The following C18orf63 variants were observed in gnomAD, a reference collection of about 807,000 sequenced individuals.
The protein encoded by C18orf63 is chromosome 18 open reading frame 63, also known as uncharacterized protein C18orf63.
Under a neutral mutation model 75.3 loss-of-function variants are expected in C18orf63, and 50 were observed. The ratio of observed to expected loss-of-function variants is 0.66; its 90% CI spans 0.53 to 0.84. The LOEUF is 0.84. C18orf63 is among the 40% of genes least tolerant of loss of function. The pLI is 0.00. For synonymous variants in C18orf63, 232 were observed against 267.6 expected (o/e 0.87, Z 1.30); for missense variants, 732 against 800.2 (o/e 0.91, Z 1.03).
Position 74,358,817 on chromosome 18 carries a change from A to G in C18orf63, c.*2370A>G, listed in dbSNP as rs1259900319. On this transcript the variant is annotated 3_prime_UTR_variant, in exon 14 of 14. Coordinates refer to ENST00000579455, the MANE Select transcript of C18orf63 (RefSeq NM_001174123.2). ...GCAAAAGTGCTTCTCATATACTCATATATTAGGTTTCACAGTATTGGTTGC... is the reference window on the plus strand; with the variant it reads ...GCAAAAGTGCTTCTCATATACTCATGTATTAGGTTTCACAGTATTGGTTGC... 6.6e-6 allele frequency: 1 copy of G among 152,158 alleles called. No individual in the cohort carries two copies. Among genetic ancestry groups the G allele is most frequent in the Non-Finnish European group, 1.5e-5 (1 of 68,008 alleles). The allele number at this position is 152,158 out of a possible 1,614,324, so 9.4% of individuals were successfully genotyped here.
chr18:74,320,096 A>C (rs1056035633), intron 2 of C18orf63, among the ~76,000 whole-genome samples: 3 of 152,164 alleles, frequency 2.0e-5, no homozygotes, highest in Non-Finnish European at 4.4e-5. Context: ...TAGAGTAAAA[A>C]CGGATAGTGA....
rs1984786925 is a variant in C18orf63 at position 74,357,460 on chromosome 18, T to C, written c.*1013T>C. The stretch of plus-strand genomic sequence containing the variant: ...GCTTCTCAGACAATGAATATTATTC[T>C]GGCTTTCAAACATTTTATATGTTTG... On this transcript the variant is annotated 3_prime_UTR_variant, in exon 14 of 14. Coordinates refer to ENST00000579455, the MANE Select transcript of C18orf63 (RefSeq NM_001174123.2). 1 of 152,248 alleles carries C rather than the reference T, an allele frequency of 6.6e-6. No individual in the cohort carries two copies. The highest frequency in any genetic ancestry group is 1.5e-5 in the Non-Finnish European group (1 of 68,042). 9.4% of individuals were successfully genotyped at this position (152,248 alleles called of 1,614,324 possible).
intron 7 of C18orf63, among the ~76,000 whole-genome samples, chr18:74,335,823 C>G (rs1340702221): frequency 6.6e-6 from 1 of 151,970 alleles, no homozygotes; most frequent in Non-Finnish European, 1.5e-5. Context: ...ATAAAACTTA[C>G]CAGAAGAAGG....
At chr18:74,331,032 T>C (rs956528073) in intron 7 of C18orf63, 90 bp downstream of exon 7, 4 of 480,850 alleles carry the variant, frequency 8.3e-6, no homozygotes, top group African/African-American at 8.1e-5. Context: ...GGTTTTAATT[T>C]TTAACATAAA....
chr18:74,323,784 C>CA (rs1984163761), intron 4 of C18orf63, among the ~76,000 whole-genome samples: 1 of 152,164 alleles, frequency 6.6e-6, no homozygotes, highest in Non-Finnish European at 1.5e-5. Flanking sequence ...ATTCAGTTCC[C>CA]AGCCAAGGCC....
intron 8 of C18orf63, among the ~76,000 whole-genome samples, chr18:74,341,611 C>T (rs964451392): frequency 2.6e-5 from 4 of 152,010 alleles, no homozygotes; most frequent in Non-Finnish European, 5.9e-5. Flanking sequence ...GGCTTGAACC[C>T]GGGAAGCAGA....
At chr18:74,317,068 C>T (rs529667458) in intron 1 of C18orf63, among the ~76,000 whole-genome samples, 9 of 152,322 alleles carry the variant, frequency 5.9e-5, no homozygotes, top group Admixed American at 3.9e-4. Flanking sequence ...GATCAGAAGG[C>T]TGGTCACACT....
Position 74,353,450 on chromosome 18 carries a change from AG to A in C18orf63, c.1184del (p.Arg395LysfsTer17). 6.5e-7 allele frequency: 1 copy of A among 1,536,418 alleles called. No individual in the cohort carries two copies. The highest frequency in any genetic ancestry group is 8.7e-7 in the Non-Finnish European group (1 of 1,146,948). Reference sequence around the variant, plus strand: ...TCTCCAGCCAGAGTCTGTTCAGGGTAGAAAGAAATCCCTGTCTATCAGGGCT... The same window carrying A: ...TCTCCAGCCAGAGTCTGTTCAGGGTAAAAGAAATCCCTGTCTATCAGGGCT... The part of the protein sequence containing the change: ...LHLQPESVQG[R>X]KKSLSIRAPQ... On this transcript the variant is annotated frameshift_variant, in exon 12 of 14. Coordinates refer to ENST00000579455, the MANE Select transcript of C18orf63 (RefSeq NM_001174123.2). LOFTEE classifies it high-confidence loss of function.
At chr18:74,316,412 G>T (rs1217324995) in intron 1 of C18orf63, among the ~76,000 whole-genome samples, 1 of 152,196 alleles carries the variant, frequency 6.6e-6, no homozygotes, top group Non-Finnish European at 1.5e-5. Flanking sequence ...CGCTCGCCTG[G>T]GGGCAGCGGC....
intron 11 of C18orf63, among the ~76,000 whole-genome samples, chr18:74,351,535 G>A (rs1168810179): frequency 1.3e-5 from 2 of 152,144 alleles, no homozygotes; most frequent in African/African-American, 2.4e-5. Context: ...CCAGCATCAC[G>A]CATCACATGT....
intron 11 of C18orf63, among the ~76,000 whole-genome samples, chr18:74,346,572 T>C (rs932935725): frequency 4.6e-5 from 7 of 152,322 alleles, no homozygotes; most frequent in African/African-American, 1.7e-4. Context: ...TGTCCAGACA[T>C]AATATTTTTT....
intron 7 of C18orf63, among the ~76,000 whole-genome samples, chr18:74,333,569 CT>C (rs1984343921): frequency 6.6e-6 from 1 of 152,144 alleles, no homozygotes; most frequent in Non-Finnish European, 1.5e-5. Context: ...GGGAAAGGCC[CT>C]TTATAAAACC....
Position 74,338,760 on chromosome 18 carries a change from G to T in C18orf63, c.547G>T (p.Ala183Ser). ...CCAGAGTATTATAAAGGATTTTCATGCTAACAAGCATGCTGTCATTGAGAG... is the reference window on the plus strand; with the variant it reads ...CCAGAGTATTATAAAGGATTTTCATTCTAACAAGCATGCTGTCATTGAGAG... ...ISQSIIKDFH[A>S]NKHAVIERHS... Residue 183 changes from alanine to serine, a missense_variant, in exon 8 of 14, where the codon GCT (alanine) becomes TCT (serine). By Grantham distance (99) the Ala-to-Ser change is moderately conservative. This residue lies in a region of C18orf63 where 233 missense variants were observed against 272.7 expected (regional missense o/e 0.85). Coordinates refer to ENST00000579455, the MANE Select transcript of C18orf63 (RefSeq NM_001174123.2). 7.1e-7 allele frequency: 1 copy of T among 1,416,790 alleles called. No individual in the cohort carries two copies. The highest frequency in any genetic ancestry group is 9.3e-7 in the Non-Finnish European group (1 of 1,073,958). 87.8% of individuals were successfully genotyped at this position (1,416,790 alleles called of 1,614,324 possible).
At chr18:74,348,313 T>G (rs1161763079) in intron 11 of C18orf63, among the ~76,000 whole-genome samples, 3 of 152,300 alleles carry the variant, frequency 2.0e-5, no homozygotes, top group Non-Finnish European at 4.4e-5. Context: ...AAGAAAATAT[T>G]CTTCAAAAAC....
At chr18:74,323,469 G>T (rs769809618) in intron 4 of C18orf63, among the ~76,000 whole-genome samples, 2 of 152,184 alleles carry the variant, frequency 1.3e-5, no homozygotes, top group African/African-American at 2.4e-5. Flanking sequence ...GTTACAATCT[G>T]TGGGAAAACA....
At chr18:74,330,635 C>T (rs1243712307) in intron 6 of C18orf63, among the ~76,000 whole-genome samples, 1 of 151,942 alleles carries the variant, frequency 6.6e-6, no homozygotes, top group Non-Finnish European at 1.5e-5. Flanking sequence ...TTGCCTATGA[C>T]CTGCACCCCC....
intron 8 of C18orf63, among the ~76,000 whole-genome samples, chr18:74,341,003 G>A (rs1175988684): frequency 2.6e-5 from 4 of 151,980 alleles, no homozygotes; most frequent in Non-Finnish European, 4.4e-5. Flanking sequence ...GGTGGCTCAC[G>A]CCTGTAGTCC....
rs982393530 is a variant in C18orf63 at position 74,358,416 on chromosome 18, C to G, written c.*1969C>G. The G allele has an allele frequency of 1.3e-5, 2 of 152,004 alleles. No homozygotes were observed. The highest frequency in any genetic ancestry group is 2.9e-5 in the Non-Finnish European group (2 of 67,996). 9.4% of individuals were successfully genotyped at this position (152,004 alleles called of 1,614,324 possible). On this transcript the variant is annotated 3_prime_UTR_variant, in exon 14 of 14. Transcript: ENST00000579455. Reference sequence around the variant, plus strand: ...AGATAGGTATATAGATTGTTGATTTCATATTTCATGTTCCAAGAAGAGGTT... The same window carrying G: ...AGATAGGTATATAGATTGTTGATTTGATATTTCATGTTCCAAGAAGAGGTT...
chr18:74,320,510 C>T lies in C18orf63; in HGVS notation c.135-3C>T, dbSNP rs751684561. The T allele has an allele frequency of 7.6e-5, 116 of 1,528,600 alleles. No individual in the cohort carries two copies. Among genetic ancestry groups the T allele is most frequent in the Non-Finnish European group, 9.5e-5 (108 of 1,141,456 alleles). 94.7% of individuals were successfully genotyped at this position (1,528,600 alleles called of 1,614,324 possible). A position where few individuals can be genotyped will look rare whatever the true frequency, so the allele number is the denominator to read the frequency against. ...CACTTTGTAATATATTTCATCTCCA[C>T]AGGCAATTGCTGTTTTTGCATCAAG... On this transcript the variant is annotated splice_region_variant and splice_polypyrimidine_tract_variant and intron_variant, in intron 2 of 13. Coordinates refer to ENST00000579455, the MANE Select transcript of C18orf63 (RefSeq NM_001174123.2).
Sources: allele counts gnomAD v4.1 joint callset (sites outside exome capture counted in the v4.1 genomes callset), GRCh38; gene constraint gnomAD v4.1.1; regional missense constraint gnomAD v4.1.1; transcripts MANE v1.5; gene names NCBI Gene and HGNC (gene_info 2026-07-23, HGNC 2026-07-21).